Variants in ZFAND3 observed in about 807,000 individuals in gnomAD.
The protein encoded by ZFAND3 is AN1-type zinc finger protein 3.
Under a neutral mutation model 29.6 loss-of-function variants are expected in ZFAND3, and 10 were observed. The ratio of observed to expected loss-of-function variants is 0.34; its 90% CI spans 0.21 to 0.57. The LOEUF (loss-of-function observed/expected upper bound fraction) is 0.57. Ranked by LOEUF, ZFAND3 falls within the 20% of genes least tolerant of loss-of-function variation. The pLI is 0.86. For missense variants in ZFAND3, 230 were observed against 304.5 expected (o/e 0.76, Z 1.82); for synonymous variants, 128 against 112.6 (o/e 1.14, Z -0.87).
chr6:37,946,184 C>A (rs1473385394), intron 2 of ZFAND3, among the ~76,000 whole-genome samples: 1 of 152,132 alleles, frequency 6.6e-6, no homozygotes, highest in Non-Finnish European at 1.5e-5. Context: ...AAAACTGCAA[C>A]CAAGGGAACC....
chr6:38,043,796 G>A (rs1015594653), intron 2 of ZFAND3, among the ~76,000 whole-genome samples: 1 of 147,290 alleles, frequency 6.8e-6, no homozygotes, highest in Non-Finnish European at 1.5e-5. Flanking sequence ...TTGCTTGCTC[G>A]CTTGCTTATT....
chr6:37,871,132 G>C (rs181222820), intron 1 of ZFAND3, among the ~76,000 whole-genome samples: 151 of 152,226 alleles, frequency 9.9e-4, no homozygotes, highest in Non-Finnish European at 1.2e-3. Flanking sequence ...TGTAGGTTTA[G>C]ACCTTTGATG....
rs559036361 is a variant in ZFAND3, at chr6:38,153,188, C to G, written c.*799C>G. 8 of 985,274 alleles carry G rather than the reference C, an allele frequency of 8.1e-6. No individual in the cohort carries two copies. The highest frequency in any genetic ancestry group is 8.4e-6 in the Non-Finnish European group (7 of 829,746). The allele number at this position is 985,274 out of a possible 1,614,324, so 61.0% of individuals were successfully genotyped here. Reference sequence around the variant, plus strand: ...CGCCAGTGCAGGGATCTGGCACGGACCAGATGTGGCGAATGGCAGCACAGC... The same window carrying G: ...CGCCAGTGCAGGGATCTGGCACGGAGCAGATGTGGCGAATGGCAGCACAGC... On this transcript the variant is annotated 3_prime_UTR_variant, in exon 6 of 6. Coordinates refer to ENST00000287218, the MANE Select transcript of ZFAND3 (RefSeq NM_021943.3).
rs755471383 is a variant in ZFAND3 at position 38,031,977 on chromosome 6, G to A, written c.113-29616G>A. On this transcript the variant is annotated intron_variant, in intron 2 of 5. Transcript: ENST00000287218. Reference sequence around the variant, plus strand: ...CTCCCAAGTAGCTGGGACTACAGGGGTATGGCACCATGCCCAGTTAATTTT... The same window carrying A: ...CTCCCAAGTAGCTGGGACTACAGGGATATGGCACCATGCCCAGTTAATTTT... Among the ~76,000 whole-genome samples, 23 of 152,062 alleles carry A rather than the reference G, an allele frequency of 1.5e-4. No individual in the cohort carries two copies. In the South Asian group the frequency reaches 1.7e-3, roughly 11 times the overall value.
intron 2 of ZFAND3, among the ~76,000 whole-genome samples, chr6:38,012,769 G>A (rs1282399749): frequency 1.3e-5 from 2 of 152,256 alleles, no homozygotes; most frequent in Admixed American, 6.5e-5. Flanking sequence ...AGTAGGGGAG[G>A]GTGATGGATG....
intron 2 of ZFAND3, among the ~76,000 whole-genome samples, chr6:37,947,282 T>C (rs1244617450): frequency 6.6e-6 from 1 of 152,162 alleles, no homozygotes; most frequent in Non-Finnish European, 1.5e-5. Context: ...GAAATAAAAC[T>C]GAGATTTAAA....
At chr6:37,824,056 G>C (rs1476511834) in intron 1 of ZFAND3, among the ~76,000 whole-genome samples, 1 of 152,178 alleles carries the variant, frequency 6.6e-6, no homozygotes, top group Non-Finnish European at 1.5e-5. Context: ...GATTACCGGC[G>C]TGAGCCACCG....
intron 2 of ZFAND3, among the ~76,000 whole-genome samples, chr6:38,002,285 CT>C (rs559479814): frequency 2.7e-3 from 366 of 137,844 alleles, no homozygotes; most frequent in Middle Eastern, 7.5e-3. Flanking sequence ...ATTTTCTTTT[CT>C]TTTTTTTTTT....
At chr6:38,015,658 C>T (rs1361109928) in intron 2 of ZFAND3, among the ~76,000 whole-genome samples, 25 of 152,200 alleles carry the variant, frequency 1.6e-4, no homozygotes, top group Admixed American at 1.6e-3. Context: ...AAACAAGTTT[C>T]TGAATGATGT....
chr6:37,913,708 C>CTTTTTTTTTTTTTTTTTTTTTTTTTTTTT (rs56045448), intron 1 of ZFAND3, among the ~76,000 whole-genome samples: 5 of 113,040 alleles, frequency 4.4e-5, no homozygotes, highest in African/African-American at 1.0e-4. Flanking sequence ...CAGCTATATT[C>CTTTTTTTTTTTTTTTTTTTTTTTTTTTTT]TTTTTTTTTT....
intron 2 of ZFAND3, among the ~76,000 whole-genome samples, chr6:38,007,080 A>T (rs1581833792): frequency 6.6e-6 from 1 of 152,224 alleles, no homozygotes; most frequent in Admixed American, 6.5e-5. Flanking sequence ...AGTGATGGAC[A>T]TACACTTGCC....
intron 2 of ZFAND3, among the ~76,000 whole-genome samples, chr6:37,995,110 C>T (rs562583404): frequency 3.3e-5 from 5 of 152,164 alleles, no homozygotes; most frequent in Non-Finnish European, 7.4e-5. Flanking sequence ...ACTGGAGAAC[C>T]TGCGTGAGCA....
intron 4 of ZFAND3, among the ~76,000 whole-genome samples, chr6:38,098,489 A>G (rs1765026898): frequency 6.6e-6 from 1 of 150,602 alleles, no homozygotes. Flanking sequence ...AGAAAATGAA[A>G]ACAGTATTGC....
chr6:37,844,002 C>G (rs1764128703), intron 1 of ZFAND3, among the ~76,000 whole-genome samples: 1 of 151,900 alleles, frequency 6.6e-6, no homozygotes, highest in Non-Finnish European at 1.5e-5. Context: ...ACTGTCACCT[C>G]CACCCCTTGG....
Position 37,932,174 on chromosome 6 carries a change from C to T in ZFAND3, c.112+2175C>T, listed in dbSNP as rs529059185. 1.4e-4 allele frequency among the ~76,000 whole-genome samples: 21 copies of T among 151,670 alleles called. No homozygotes were observed. The South Asian group carries it at 1.9e-3, about 14-fold the overall frequency. ...ATCCCAGCTACTCGGGAGGCTGAGG[C>T]GGGAGAATCGCTTGAACCTAGGAGG... On this transcript the variant is annotated intron_variant, in intron 2 of 5. Transcript: ENST00000287218.
At chr6:38,144,211 A>ATATTATATATATATAT (rs70981524) in intron 5 of ZFAND3, among the ~76,000 whole-genome samples, 1 of 45,880 alleles carries the variant, frequency 2.2e-5, no homozygotes, top group Non-Finnish European at 3.9e-5. Context: ...ATATATATAT[A>ATATTATATATATATAT]ATATATAATA....
chr6:38,094,555 T>G (rs1408996399), intron 4 of ZFAND3, among the ~76,000 whole-genome samples: 5 of 152,192 alleles, frequency 3.3e-5, no homozygotes, highest in Non-Finnish European at 7.3e-5. Flanking sequence ...AGGAAAATAA[T>G]GCTTAAAGTC....
At chr6:37,923,494 G>A (rs1399992128) in intron 1 of ZFAND3, among the ~76,000 whole-genome samples, 2 of 152,150 alleles carry the variant, frequency 1.3e-5, no homozygotes, top group Non-Finnish European at 2.9e-5. Context: ...CTGCTTTACA[G>A]TTAACAACTA....
chr6:38,013,254 G>A (rs908785144), intron 2 of ZFAND3, among the ~76,000 whole-genome samples: 4 of 152,086 alleles, frequency 2.6e-5, no homozygotes, highest in Admixed American at 6.5e-5. Context: ...ACATTTTTGT[G>A]GCACAGACTT....
Sources: gnomAD v4.1 joint callset for allele counts (sites outside exome capture counted in the v4.1 genomes callset) on GRCh38, gnomAD v4.1.1 for gene constraint, MANE v1.5 for transcripts, NCBI Gene and HGNC (gene_info 2026-07-23, HGNC 2026-07-21) for gene names.